CELF2: variants seen among roughly 807,000 people sequenced by gnomAD.
The protein encoded by CELF2 is CUGBP Elav-like family member 2.
A neutral mutation model predicts 62.6 loss-of-function variants in CELF2; 8 were observed. The ratio of observed to expected loss-of-function variants is 0.13; its 90% CI spans 0.07 to 0.23. CELF2 has a LOEUF of 0.23. Among genes scored for constraint, CELF2 ranks in the 10% least tolerant of loss-of-function variants. The pLI is 1.00. For missense variants in CELF2, 333 were observed against 671.0 expected (o/e 0.50, Z 5.56); for synonymous variants, 258 against 250.0 (o/e 1.03, Z -0.30).
At chr10:10,686,550 T>C in the CELF2 span, among the ~76,000 whole-genome samples, 6 of 152,100 alleles carry the variant, frequency 3.9e-5, no homozygotes, top group African/African-American at 1.2e-4. Flanking sequence ...GTGGACAAAA[T>C]TGAATCATAG....
intron 1 of CELF2, among the ~76,000 whole-genome samples, chr10:10,835,760 G>A (rs1049071581): frequency 1.3e-5 from 2 of 152,150 alleles, no homozygotes; most frequent in African/African-American, 4.8e-5. Context: ...AGAAAAAGAG[G>A]CATAGTTTAT....
At chr10:10,732,222 C>G in the CELF2 span, among the ~76,000 whole-genome samples, 56 of 152,208 alleles carry the variant, frequency 3.7e-4, no homozygotes, top group Admixed American at 8.5e-4. Flanking sequence ...TTATTGTGAC[C>G]TTTTTCTCAT....
At chr10:10,600,321 A>G in the CELF2 span, among the ~76,000 whole-genome samples, 5 of 152,238 alleles carry the variant, frequency 3.3e-5, no homozygotes, top group Non-Finnish European at 7.3e-5. Flanking sequence ...ACTTCTCCAT[A>G]TGAGCCTGAT....
rs376559354 is a variant in CELF2 at position 10,931,760 on chromosome 10, T to A, written c.89+11761T>A. On this transcript the variant is annotated intron_variant, in intron 2 of 13. Transcript: ENST00000636488. This position sits in a 1 kb window ranked among gnomAD's most constrained non-coding sequence, Gnocchi z 6.1. ...TCTCTTGATAATAGCAATGCATTAG[T>A]CTTTTCTCACGCTGCTAATAAAGAC... Among the ~76,000 whole-genome samples, 1 of 152,214 alleles carries A rather than the reference T, an allele frequency of 6.6e-6. No individual in the cohort carries two copies. The highest frequency in any genetic ancestry group is 1.9e-4 in the East Asian group (1 of 5,204).
At chr10:11,236,291 T>C (rs1000716362) in intron 3 of CELF2, among the ~76,000 whole-genome samples, 2 of 152,226 alleles carry the variant, frequency 1.3e-5, no homozygotes, top group Non-Finnish European at 2.9e-5. Flanking sequence ...TTTTAAAGAT[T>C]TGCTTGTTAG....
chr10:10,580,052 A>G, the CELF2 span, among the ~76,000 whole-genome samples: 2 of 152,218 alleles, frequency 1.3e-5, no homozygotes, highest in Non-Finnish European at 2.9e-5. Flanking sequence ...CTCCTTCTAC[A>G]CAGTAATAAT....
intron 3 of CELF2, among the ~76,000 whole-genome samples, chr10:11,239,721 C>G (rs1200068762): frequency 6.6e-6 from 1 of 151,560 alleles, no homozygotes; most frequent in Non-Finnish European, 1.5e-5. Flanking sequence ...TTTTTTTAAA[C>G]TGGCTTAGAT....
intron 1 of CELF2, among the ~76,000 whole-genome samples, chr10:10,908,397 T>G (rs749632716): frequency 1.2e-4 from 18 of 151,850 alleles, no homozygotes; most frequent in Middle Eastern, 6.8e-3. Context: ...TTTTTTTGTA[T>G]TTTTAGTAGA....
chr10:10,698,148 A>C, the CELF2 span, among the ~76,000 whole-genome samples: 1 of 152,232 alleles, frequency 6.6e-6, no homozygotes, highest in Non-Finnish European at 1.5e-5. Context: ...ATAGCTAAAT[A>C]GCAGTCAGTT....
At position 11,336,260 on chromosome 10, in the gene CELF2, A is replaced by G. The variant is rs2096116948; in HGVS notation, c.*7207A>G. 1 of 152,564 alleles carries G rather than the reference A, an allele frequency of 6.6e-6. No homozygotes were observed. The highest frequency in any genetic ancestry group is 2.4e-5 in the African/African-American group (1 of 41,414). 9.5% of individuals were successfully genotyped at this position (152,564 alleles called of 1,614,324 possible). ...CAGCTTATTCACTTATCAGGAATCG[A>G]CTGTTCTGCTAATTTGCTGTTGTTG... On this transcript the variant is annotated 3_prime_UTR_variant, in exon 13 of 13. Coordinates refer to ENST00000633077, the MANE Select transcript of CELF2 (RefSeq NM_001326342.2). This position sits in a 1 kb window ranked among gnomAD's most constrained non-coding sequence, Gnocchi z 5.4.
the CELF2 span, among the ~76,000 whole-genome samples, chr10:10,538,397 G>A: frequency 6.6e-6 from 1 of 152,206 alleles, no homozygotes; most frequent in Non-Finnish European, 1.5e-5. Flanking sequence ...AGTGGATTGA[G>A]AGGGCCAAGT....
the CELF2 span, among the ~76,000 whole-genome samples, chr10:10,763,326 T>C: frequency 4.1e-4 from 62 of 152,296 alleles, no homozygotes; most frequent in Middle Eastern, 0.01. Context: ...AGCAATCATA[T>C]CCCTCGTCGT....
chr10:10,854,412 T>A (rs1358086633), intron 1 of CELF2, among the ~76,000 whole-genome samples: 1 of 152,186 alleles, frequency 6.6e-6, no homozygotes, highest in Non-Finnish European at 1.5e-5. Flanking sequence ...AATGGCTCCT[T>A]CTGAATGGCC....
At chr10:11,188,527 T>G (rs1344132599) in intron 2 of CELF2, among the ~76,000 whole-genome samples, 1 of 152,254 alleles carries the variant, frequency 6.6e-6, no homozygotes, top group East Asian at 1.9e-4. Context: ...ATCCTTCTCC[T>G]TCTGTTTTTT....
At chr10:10,830,956 TCTGATTA>T (rs2057801233) in intron 1 of CELF2, among the ~76,000 whole-genome samples, 1 of 152,212 alleles carries the variant, frequency 6.6e-6, no homozygotes, top group Admixed American at 6.5e-5. Flanking sequence ...ATTCCTAGTT[TCTGATTA>T]CTTCAGCCTT....
chr10:10,581,652 C>A, the CELF2 span, among the ~76,000 whole-genome samples: 2 of 152,186 alleles, frequency 1.3e-5, no homozygotes, highest in Non-Finnish European at 2.9e-5. Flanking sequence ...ACAAAGCCAG[C>A]TCCAAATTAT....
the CELF2 span, among the ~76,000 whole-genome samples, chr10:10,757,375 CT>C: frequency 1.3e-5 from 2 of 152,174 alleles, no homozygotes; most frequent in African/African-American, 2.4e-5. Flanking sequence ...AGGAGGATCA[CT>C]TGAGCCCAGG....
rs1046436264 is a variant in CELF2 at position 11,306,411 on chromosome 10, T to C, written c.977-7728T>C. 2.0e-5 allele frequency among the ~76,000 whole-genome samples: 3 copies of C among 152,060 alleles called. No individual in the cohort carries two copies. The highest frequency in any genetic ancestry group is 4.8e-5 in the African/African-American group (2 of 41,394). On this transcript the variant is annotated intron_variant, in intron 9 of 12. Coordinates refer to ENST00000633077, the MANE Select transcript of CELF2 (RefSeq NM_001326342.2). This position sits in a 1 kb window ranked among gnomAD's most constrained non-coding sequence, Gnocchi z 4.4. ...TCTTGCCAGCCTGCCAGCACAGAAA[T>C]GGAGAGTCTGGGTGTTGGTGGCACC...
chr10:11,116,630 G>A lies in CELF2; in HGVS notation c.75-48856G>A, dbSNP rs146820792. ...GAGAAGAGTGCCTGGTGAGTTCAGC[G>A]AAGTTGGTTGGATGTCCAGTGGTGG... On this transcript the variant is annotated intron_variant, in intron 1 of 12. Transcript: ENST00000633077. Among the ~76,000 whole-genome samples the A allele has an allele frequency of 5.7e-4, 87 of 152,324 alleles. 1 individual carries two copies. In the East Asian group the frequency reaches 0.016, roughly 27 times the overall value.
Sources: allele counts gnomAD v4.1 joint callset (sites outside exome capture counted in the v4.1 genomes callset), GRCh38; gene constraint gnomAD v4.1.1; non-coding constraint Gnocchi (gnomAD v3.1); transcripts MANE v1.5; gene names NCBI Gene and HGNC (gene_info 2026-07-23, HGNC 2026-07-21).